Variants in MED27 observed in about 807,000 individuals in gnomAD.
MED27 encodes mediator of RNA polymerase II transcription subunit 27.
In MED27, 30 loss-of-function variants were observed where a neutral mutation model predicts 38.2. The observed-to-expected ratio is 0.79, with a 90% CI of 0.59 to 1.07. The LOEUF (loss-of-function observed/expected upper bound fraction) is 1.07. MED27 is among the 50% of genes least tolerant of loss of function. The pLI, the probability that MED27 is intolerant of heterozygous loss-of-function variation, is 0.00. For synonymous variants in MED27, 122 were observed against 153.5 expected, an observed-to-expected ratio of 0.79 and a Z score of 1.52; for missense variants, 289 against 397.5, an observed-to-expected ratio of 0.73 and a Z score of 2.32.
intron 6 of MED27, among the ~76,000 whole-genome samples, chr9:131,878,274 AAAATAAATAAATAAAT>A (rs139530478): frequency 4.1e-4 from 61 of 147,920 alleles, no homozygotes; most frequent in Admixed American, 8.7e-4. Flanking sequence ...CTCCATTACA[AAAATAAATAAATAAAT>A]AAATAAATAA....
chr9:131,899,500 A>G (rs1829893854), intron 4 of MED27, among the ~76,000 whole-genome samples: 1 of 152,176 alleles, frequency 6.6e-6, no homozygotes, highest in African/African-American at 2.4e-5. Context: ...AGTGTGACCC[A>G]GGGCAACTCA....
intron 3 of MED27, among the ~76,000 whole-genome samples, chr9:131,958,603 G>A (rs1429700391): frequency 6.6e-6 from 1 of 152,168 alleles, no homozygotes; most frequent in African/African-American, 2.4e-5. Context: ...GGATCTCCTA[G>A]GGACTCAGGT....
chr9:132,071,148 T>C (rs1564349504), intron 2 of MED27, among the ~76,000 whole-genome samples: 1 of 152,108 alleles, frequency 6.6e-6, no homozygotes, highest in African/African-American at 2.4e-5. Context: ...CTTTCTGAGG[T>C]GGGTACAATT....
At chr9:131,881,812 T>TTTTTTG in intron 6 of MED27, among the ~76,000 whole-genome samples, 1 of 137,330 alleles carries the variant, frequency 7.3e-6, no homozygotes, top group Non-Finnish European at 1.6e-5. Context: ...TTTTTTTTTT[T>TTTTTTG]TTTTTTTTTT....
chr9:131,912,523 A>C (rs1830210431), intron 4 of MED27, among the ~76,000 whole-genome samples: 1 of 152,156 alleles, frequency 6.6e-6, no homozygotes, highest in African/African-American at 2.4e-5. Context: ...AGGTGACAGC[A>C]ATGCTGCTCC....
intron 3 of MED27, among the ~76,000 whole-genome samples, chr9:131,971,289 G>C (rs1310767225): frequency 1.3e-5 from 2 of 152,256 alleles, no homozygotes; most frequent in Non-Finnish European, 1.5e-5. Context: ...AGAAGGAACA[G>C]AAAGTGCTGA....
At chr9:132,072,990 C>A (rs1589304992) in intron 2 of MED27, among the ~76,000 whole-genome samples, 1 of 152,108 alleles carries the variant, frequency 6.6e-6, no homozygotes, top group South Asian at 2.1e-4. Context: ...GCCAAAATGA[C>A]AGCCGCCACA....
chr9:131,906,151 T>C (rs188123326), intron 4 of MED27, among the ~76,000 whole-genome samples: 56 of 152,334 alleles, frequency 3.7e-4, no homozygotes, highest in Non-Finnish European at 5.9e-4. Context: ...CAAATATTTA[T>C]TAAGTACCCA....
intron 3 of MED27, among the ~76,000 whole-genome samples, chr9:131,985,485 A>G (rs1831829846): frequency 6.6e-6 from 1 of 152,194 alleles, no homozygotes; most frequent in Non-Finnish European, 1.5e-5. Context: ...ATTATAATGA[A>G]GCTGGAAAAT....
intron 4 of MED27, among the ~76,000 whole-genome samples, chr9:131,937,829 CTTTT>C (rs35317329): frequency 1.4e-5 from 2 of 145,412 alleles, no homozygotes; most frequent in Non-Finnish European, 3.0e-5. Context: ...CTGAGGCAGA[CTTTT>C]TTTTTTTTTT....
chr9:131,990,031 C>T (rs1424795647), intron 3 of MED27, among the ~76,000 whole-genome samples: 1 of 152,174 alleles, frequency 6.6e-6, no homozygotes, highest in East Asian at 1.9e-4. Flanking sequence ...AGCTTACACA[C>T]CACCTGGGCT....
intron 5 of MED27, among the ~76,000 whole-genome samples, chr9:131,891,422 C>T (rs1839227358): frequency 6.6e-6 from 1 of 152,120 alleles, no homozygotes; most frequent in Non-Finnish European, 1.5e-5. Context: ...TACAAAATGG[C>T]AATGTCACAA....
intron 6 of MED27, chr9:131,869,477 T>C: frequency 2.2e-6 from 2 of 918,426 alleles, no homozygotes; most frequent in Non-Finnish European, 1.3e-6. Flanking sequence ...GCAAAGCTAA[T>C]GAGATTCCGC....
chr9:132,008,678 C>T (rs921496586), intron 3 of MED27, among the ~76,000 whole-genome samples: 3 of 152,214 alleles, frequency 2.0e-5, no homozygotes, highest in Non-Finnish European at 4.4e-5. Context: ...GTACACAGCT[C>T]CTGCATTCCT....
intron 3 of MED27, among the ~76,000 whole-genome samples, chr9:131,964,332 ATGG>A (rs1831290239): frequency 7.4e-6 from 1 of 134,904 alleles, no homozygotes. Context: ...GGTGGAGGTG[ATGG>A]TGGTGGTGGT....
At chr9:132,006,924 A>G (rs566601754) in intron 3 of MED27, among the ~76,000 whole-genome samples, 2 of 152,346 alleles carry the variant, frequency 1.3e-5, no homozygotes, top group African/African-American at 4.8e-5. Context: ...AAGAACAGAA[A>G]CAGCATCTAC....
chr9:131,883,457 C>T lies in MED27; in HGVS notation c.723+601G>A, dbSNP rs183824934. ...AATTTTCTCTGGTCACTTTTCATTT[C>T]GTCTGACATTTCCCATAACAGTTTT... is the stretch of plus-strand genomic sequence containing the variant. On this transcript the variant is annotated intron_variant, in intron 6 of 7. Coordinates refer to ENST00000292035, the MANE Select transcript of MED27 (RefSeq NM_004269.4). The surrounding 1 kb of genome is among the most constrained non-coding windows in gnomAD (Gnocchi z 4.2). 1.8e-3 allele frequency among the ~76,000 whole-genome samples: 272 copies of T among 152,198 alleles called. 1 individual carries two copies. The highest frequency in any genetic ancestry group is 0.01 in the Middle Eastern group (3 of 294).
Position 131,860,299 on chromosome 9 carries a change from C to A in MED27, c.*239G>T. On this transcript the variant is annotated 3_prime_UTR_variant, in exon 8 of 8. Transcript: ENST00000292035. The surrounding 1 kb of genome is among the most constrained non-coding windows in gnomAD (Gnocchi z 5.8). ...AGCATGCTGCACAGCTTCCTTCTAC[C>A]AGGTTCTAGAAAGGTCTTCTTTGCC... is the stretch of plus-strand genomic sequence containing the variant. The A allele has an allele frequency of 2.3e-6, 1 of 436,186 alleles. No individual in the cohort carries two copies. Among genetic ancestry groups the A allele is most frequent in the Non-Finnish European group, 4.0e-6 (1 of 251,190 alleles). 27.0% of individuals were successfully genotyped at this position (436,186 alleles called of 1,614,324 possible).
chr9:131,872,250 C>A lies in MED27; in HGVS notation c.724-9110G>T, dbSNP rs1448942256. On this transcript the variant is annotated intron_variant, in intron 6 of 7. Transcript: ENST00000292035. This position sits in a 1 kb window ranked among gnomAD's most constrained non-coding sequence, Gnocchi z 5.6. ...CCACCACCAGGGGACAGGACTGTGGCCGAGCAGCGCCTGGGGGAGCTGAGC... is the reference window on the plus strand; with the variant it reads ...CCACCACCAGGGGACAGGACTGTGGACGAGCAGCGCCTGGGGGAGCTGAGC... Among the ~76,000 whole-genome samples, 1 of 152,028 alleles carries A rather than the reference C, an allele frequency of 6.6e-6. No homozygotes were observed. The highest frequency in any genetic ancestry group is 1.9e-4 in the East Asian group (1 of 5,154).
Sources: gnomAD v4.1 joint callset for allele counts (sites outside exome capture counted in the v4.1 genomes callset) on GRCh38, gnomAD v4.1.1 for gene constraint, Gnocchi (gnomAD v3.1) non-coding constraint, MANE v1.5 for transcripts, NCBI Gene and HGNC (gene_info 2026-07-23, HGNC 2026-07-21) for gene names.